The following ZNF407 variants were observed in gnomAD, a reference collection of about 807,000 sequenced individuals.
ZNF407 encodes zinc finger protein 407.
ZNF407 carries 17 observed loss-of-function variants against 131.2 expected under a neutral mutation model. The observed-to-expected ratio is 0.13, with a 90% CI of 0.09 to 0.19. The LOEUF (loss-of-function observed/expected upper bound fraction) is 0.19, where lower values mean the gene tolerates loss of function less well. Ranked by LOEUF, ZNF407 falls within the 10% of genes least tolerant of loss-of-function variation. ZNF407 has a pLI of 1.00. For synonymous variants in ZNF407, 1,156 were observed against 1,062.0 expected, an observed-to-expected ratio of 1.09 and a Z score of -1.72; for missense variants, 2,681 against 2,830.6, an observed-to-expected ratio of 0.95 and a Z score of 1.20.
intron 3 of ZNF407, among the ~76,000 whole-genome samples, chr18:74,705,748 A>G (rs1967609900): frequency 6.6e-6 from 1 of 152,194 alleles, no homozygotes; most frequent in Non-Finnish European, 1.5e-5. Context: ...AATACTGGAC[A>G]TTTTTGACAA....
chr18:74,914,587 T>G (rs928298663), intron 7 of ZNF407, among the ~76,000 whole-genome samples: 19 of 152,226 alleles, frequency 1.2e-4, no homozygotes, highest in African/African-American at 4.6e-4. Flanking sequence ...TTACATTCAG[T>G]CCTTTGGTAG....
chr18:74,821,657 A>G (rs866008848), intron 4 of ZNF407, among the ~76,000 whole-genome samples: 1 of 152,050 alleles, frequency 6.6e-6, no homozygotes, highest in Non-Finnish European at 1.5e-5. Context: ...CATTTTCTTT[A>G]TCCAGTCTAT....
At position 74,622,152 on chromosome 18, in the gene ZNF407, G is replaced by T. The variant is rs372899857; in HGVS notation, c.-53-8815G>T. Among the ~76,000 whole-genome samples, 11 of 152,292 alleles carry T rather than the reference G, an allele frequency of 7.2e-5. No individual in the cohort carries two copies. The East Asian group carries it at 1.7e-3, about 24-fold the overall frequency. ...GGATGTTTCTGCCGGGAGGAGACTG[G>T]TGAGGAGAGGGTGGAGTGCAGCGCC... On this transcript the variant is annotated intron_variant, in intron 1 of 8. Coordinates refer to ENST00000299687, the MANE Select transcript of ZNF407 (RefSeq NM_017757.3).
chr18:74,697,228 T>A, intron 3 of ZNF407, among the ~76,000 whole-genome samples: 1 of 152,214 alleles, frequency 6.6e-6, no homozygotes, highest in Non-Finnish European at 1.5e-5. Flanking sequence ...ATTAGCTTTT[T>A]CATTTTCTAT....
At chr18:74,786,954 C>G (rs180937609) in intron 4 of ZNF407, among the ~76,000 whole-genome samples, 29 of 151,382 alleles carry the variant, frequency 1.9e-4, no homozygotes, top group Non-Finnish European at 4.1e-4. Context: ...TACATGCACC[C>G]GCCACCACAC....
At chr18:74,642,523 T>G (rs1984770393) in intron 3 of ZNF407, among the ~76,000 whole-genome samples, 1 of 152,148 alleles carries the variant, frequency 6.6e-6, no homozygotes, top group Admixed American at 6.5e-5. Context: ...AATAGAGATC[T>G]AATTCCATTT....
At chr18:74,863,596 G>T (rs1053846645) in intron 4 of ZNF407, among the ~76,000 whole-genome samples, 6 of 152,080 alleles carry the variant, frequency 3.9e-5, no homozygotes, top group African/African-American at 1.4e-4. Flanking sequence ...TAGATTTTAT[G>T]AAAGGAAAAC....
intron 3 of ZNF407, among the ~76,000 whole-genome samples, chr18:74,734,277 C>G (rs1380784931): frequency 2.6e-5 from 4 of 152,184 alleles, no homozygotes; most frequent in Non-Finnish European, 1.5e-5. Context: ...AGGGTCCTGT[C>G]CATCACCTCA....
chr18:74,766,304 G>A (rs185181771), intron 3 of ZNF407, among the ~76,000 whole-genome samples: 5 of 152,306 alleles, frequency 3.3e-5, no homozygotes, highest in Admixed American at 3.3e-4. Context: ...CTTGGACAGT[G>A]GTGGTATGGG....
At chr18:74,782,538 C>T (rs549665950) in intron 4 of ZNF407, among the ~76,000 whole-genome samples, 2 of 146,914 alleles carry the variant, frequency 1.4e-5, no homozygotes, top group African/African-American at 5.3e-5. Context: ...TGATTTCATC[C>T]CCTCCGCTCC....
intron 4 of ZNF407, among the ~76,000 whole-genome samples, chr18:74,830,683 G>A (rs967680499): frequency 2.0e-5 from 3 of 152,184 alleles, no homozygotes; most frequent in South Asian, 2.1e-4. Context: ...GTAGTGTATG[G>A]TGTAATGTAT....
At position 74,894,814 on chromosome 18, in the gene ZNF407, T is replaced by C. The variant is rs144228120; in HGVS notation, c.5249+4776T>C. 3.5e-4 allele frequency among the ~76,000 whole-genome samples: 53 copies of C among 152,142 alleles called. No individual in the cohort carries two copies. In the East Asian group the frequency reaches 9.4e-3, roughly 27 times the overall value. On this transcript the variant is annotated intron_variant, in intron 7 of 8. Coordinates refer to ENST00000299687, the MANE Select transcript of ZNF407 (RefSeq NM_017757.3). ...AAAACTGAAATGGCAAGCCAGACTC[T>C]GACAGTTTTATCATCTGCATATTGT...
intron 8 of ZNF407, among the ~76,000 whole-genome samples, chr18:75,004,503 G>T (rs932871021): frequency 6.6e-6 from 1 of 152,124 alleles, no homozygotes; most frequent in Admixed American, 6.5e-5. Flanking sequence ...GTGCTTCCTC[G>T]GGAATAAAAC....
chr18:74,943,762 T>TCATGAG (rs1972125759), intron 8 of ZNF407, among the ~76,000 whole-genome samples: 1 of 152,186 alleles, frequency 6.6e-6, no homozygotes. Flanking sequence ...TCTCTTGCTG[T>TCATGAG]GTACAGTATG....
intron 8 of ZNF407, among the ~76,000 whole-genome samples, chr18:74,950,882 G>C (rs1015365686): frequency 6.6e-6 from 1 of 152,196 alleles, no homozygotes; most frequent in African/African-American, 2.4e-5. Flanking sequence ...AGAAGCTTTA[G>C]AAACTTCTTT....
At chr18:74,738,607 T>G (rs1968476549) in intron 3 of ZNF407, among the ~76,000 whole-genome samples, 1 of 151,584 alleles carries the variant, frequency 6.6e-6, no homozygotes, top group Non-Finnish European at 1.5e-5. Context: ...GGTGTGGTGG[T>G]GTGCTCCTGT....
chr18:75,017,652 A>T (rs1973060733), intron 8 of ZNF407, among the ~76,000 whole-genome samples: 2 of 152,122 alleles, frequency 1.3e-5, no homozygotes, highest in South Asian at 4.1e-4. Flanking sequence ...GCTTACCACC[A>T]GTCTTCAAAA....
At chr18:74,787,183 T>C (rs1969735325) in intron 4 of ZNF407, among the ~76,000 whole-genome samples, 1 of 152,156 alleles carries the variant, frequency 6.6e-6, no homozygotes, top group South Asian at 2.1e-4. Flanking sequence ...AGAAGTCATA[T>C]CAATTCATCT....
chr18:74,774,422 C>A (rs1183867155), intron 3 of ZNF407, among the ~76,000 whole-genome samples: 4 of 152,082 alleles, frequency 2.6e-5, no homozygotes, highest in African/African-American at 7.2e-5. Flanking sequence ...TTACAAATGG[C>A]AAGTAAGTAT....
Sources: gnomAD v4.1 joint callset for allele counts (sites outside exome capture counted in the v4.1 genomes callset) on GRCh38, gnomAD v4.1.1 for gene constraint, MANE v1.5 for transcripts, NCBI Gene and HGNC (gene_info 2026-07-23, HGNC 2026-07-21) for gene names.